Variants in DCUN1D4 observed in about 807,000 individuals in gnomAD.
The protein encoded by DCUN1D4 is defective in cullin neddylation 1 domain containing 4, also known as DCN1-like protein 4.
In DCUN1D4, 22 loss-of-function variants were observed where a neutral mutation model predicts 47.9. The observed-to-expected ratio is 0.46, with a 90% CI of 0.33 to 0.66. The LOEUF is 0.66. Among genes scored for constraint, DCUN1D4 ranks in the 30% least tolerant of loss-of-function variants. The pLI is 0.02. For missense variants in DCUN1D4, 301 were observed against 340.8 expected (o/e 0.88, Z 0.92); for synonymous variants, 121 against 112.2 (o/e 1.08, Z -0.50).
chr4:51,866,872 C>G (rs964765248), intron 3 of DCUN1D4, among the ~76,000 whole-genome samples: 1 of 152,224 alleles, frequency 6.6e-6, no homozygotes, highest in African/African-American at 2.4e-5. Flanking sequence ...CCGGAAACTT[C>G]TGTGGCTGGT....
At chr4:51,869,945 C>T (rs1175534071) in intron 3 of DCUN1D4, among the ~76,000 whole-genome samples, 1 of 151,860 alleles carries the variant, frequency 6.6e-6, no homozygotes, top group East Asian at 1.9e-4. Context: ...AAATAATAAT[C>T]TTTGGGCAAA....
rs143373210 is a variant in DCUN1D4 at position 51,902,942 on chromosome 4, A to G, written c.615+3564A>G. 3.1e-4 allele frequency among the ~76,000 whole-genome samples: 47 copies of G among 152,182 alleles called. No individual in the cohort carries two copies. In the East Asian group the frequency reaches 9.1e-3, roughly 29 times the overall value. ...CCTTCATATAATGTTATGCCACTTCATGTATAATGCAAGAATCTTTACAAC... is the reference window on the plus strand; with the variant it reads ...CCTTCATATAATGTTATGCCACTTCGTGTATAATGCAAGAATCTTTACAAC... On this transcript the variant is annotated intron_variant, in intron 8 of 10. Coordinates refer to ENST00000334635, the MANE Select transcript of DCUN1D4 (RefSeq NM_001040402.3).
chr4:51,851,902 C>G (rs1723433474), intron 1 of DCUN1D4, among the ~76,000 whole-genome samples: 1 of 152,220 alleles, frequency 6.6e-6, no homozygotes, highest in Non-Finnish European at 1.5e-5. Context: ...GATTCTAACT[C>G]AAGCATTCTG....
chr4:51,869,186 AT>A (rs1196919750), intron 3 of DCUN1D4, among the ~76,000 whole-genome samples: 2 of 151,430 alleles, frequency 1.3e-5, no homozygotes, highest in Non-Finnish European at 2.9e-5. Flanking sequence ...ATAAAAAAAA[AT>A]GAGTAGGGAT....
At position 51,878,313 on chromosome 4, in the gene DCUN1D4, A is replaced by G. The variant is rs372633441; in HGVS notation, c.343+459A>G. On this transcript the variant is annotated intron_variant, in intron 5 of 10. Transcript: ENST00000334635. Reference sequence around the variant, plus strand: ...TTTAAATTTAGTCTTTCTTTTTGCAATTTACTATAATTGGTTGGGTAATAT... The same window carrying G: ...TTTAAATTTAGTCTTTCTTTTTGCAGTTTACTATAATTGGTTGGGTAATAT... Among the ~76,000 whole-genome samples the G allele has an allele frequency of 1.2e-3, 184 of 152,170 alleles. 2 individuals are homozygous for G. The South Asian group carries it at 0.036, about 30-fold the overall frequency.
chr4:51,845,069 A>T, intron 1 of DCUN1D4: 1 of 985,390 alleles, frequency 1.0e-6, no homozygotes, highest in Non-Finnish European at 1.2e-6. Flanking sequence ...TTGTGGCCTT[A>T]CTTGTGGAAT....
the DCUN1D4 span, among the ~76,000 whole-genome samples, chr4:51,837,654 C>CA: frequency 3.0e-3 from 140 of 46,174 alleles, 21 homozygotes; most frequent in Admixed American, 4.6e-3. Context: ...GACTCCGTCT[C>CA]AAAAAAAAAA....
chr4:51,864,066 TATG>T (rs1459161606), intron 3 of DCUN1D4, among the ~76,000 whole-genome samples: 1 of 152,210 alleles, frequency 6.6e-6, no homozygotes, highest in African/African-American at 2.4e-5. Context: ...AATGATTTAA[TATG>T]GTGTGTGTGT....
At chr4:51,875,112 A>G (rs1271914692) in intron 4 of DCUN1D4, 1 of 152,176 alleles carries the variant, frequency 6.6e-6, no homozygotes, top group Non-Finnish European at 1.5e-5. Context: ...AATCCAGGGA[A>G]TTTAAGTGAG....
intron 5 of DCUN1D4, among the ~76,000 whole-genome samples, chr4:51,878,134 C>T (rs1727977306): frequency 6.6e-6 from 1 of 152,108 alleles, no homozygotes; most frequent in Admixed American, 6.5e-5. Context: ...ATTTGGAATG[C>T]TGATAATGGG....
chr4:51,908,588 C>G (rs1260462833), intron 8 of DCUN1D4, among the ~76,000 whole-genome samples: 1 of 151,372 alleles, frequency 6.6e-6, no homozygotes, highest in African/African-American at 2.4e-5. Flanking sequence ...GAATTTGTTA[C>G]GGTGATTTTT....
chr4:51,871,943 C>T (rs942062487), intron 3 of DCUN1D4, among the ~76,000 whole-genome samples: 1 of 152,156 alleles, frequency 6.6e-6, no homozygotes, highest in African/African-American at 2.4e-5. Context: ...TCTTTCTCTT[C>T]CACACCCTGC....
Position 51,915,764 on chromosome 4 carries a change from G to A in DCUN1D4, c.*2180G>A, listed in dbSNP as rs532891261. 6 of 152,686 alleles carry A rather than the reference G, an allele frequency of 3.9e-5. No individual in the cohort carries two copies. In the East Asian group the frequency reaches 1.2e-3, roughly 29 times the overall value. 9.5% of individuals were successfully genotyped at this position (152,686 alleles called of 1,614,324 possible). ...AATGAGAGGATTGTTACAGGAGGGAGATGTTACAGTTAATCCACAATCAAC... is the reference window on the plus strand; with the variant it reads ...AATGAGAGGATTGTTACAGGAGGGAAATGTTACAGTTAATCCACAATCAAC... On this transcript the variant is annotated 3_prime_UTR_variant, in exon 11 of 11. Transcript: ENST00000334635.
intron 1 of DCUN1D4, among the ~76,000 whole-genome samples, chr4:51,849,125 G>A (rs1006133201): frequency 6.6e-6 from 1 of 152,180 alleles, no homozygotes; most frequent in Non-Finnish European, 1.5e-5. Flanking sequence ...GACACTGTCA[G>A]TCCATTGACT....
chr4:51,900,549 CA>C (rs981623501), intron 8 of DCUN1D4, among the ~76,000 whole-genome samples: 1 of 152,030 alleles, frequency 6.6e-6, no homozygotes, highest in Non-Finnish European at 1.5e-5. Flanking sequence ...GCCTGGGTAA[CA>C]TACCCTGTCT....
intron 6 of DCUN1D4, among the ~76,000 whole-genome samples, chr4:51,888,734 A>AG (rs1729940992): frequency 6.6e-6 from 1 of 151,682 alleles, no homozygotes; most frequent in African/African-American, 2.4e-5. Context: ...CAAAAAAAAA[A>AG]AAAAAAAAAC....
intron 1 of DCUN1D4, among the ~76,000 whole-genome samples, chr4:51,861,674 T>A (rs1215446023): frequency 2.0e-5 from 3 of 152,148 alleles, no homozygotes; most frequent in Non-Finnish European, 4.4e-5. Flanking sequence ...AGGCTAAAGT[T>A]TTCTCAGTTT....
chr4:51,860,634 T>C (rs1237504463), intron 1 of DCUN1D4: 2 of 455,382 alleles, frequency 4.4e-6, no homozygotes, highest in Admixed American at 4.7e-5. Context: ...GCACACCACA[T>C]GGCGAAAGCA....
At chr4:51,912,257 C>A (rs1232120320) in intron 9 of DCUN1D4, among the ~76,000 whole-genome samples, 1 of 152,086 alleles carries the variant, frequency 6.6e-6, no homozygotes, top group Non-Finnish European at 1.5e-5. Context: ...TGGATTTACA[C>A]CTGTGTGTAA....
Sources: gnomAD v4.1 joint callset for allele counts (sites outside exome capture counted in the v4.1 genomes callset) on GRCh38, gnomAD v4.1.1 for gene constraint, MANE v1.5 for transcripts, NCBI Gene and HGNC (gene_info 2026-07-23, HGNC 2026-07-21) for gene names.